SEC14L5: variants seen among roughly 807,000 people sequenced by gnomAD.
SEC14L5 encodes the protein SEC14 like lipid binding 5, also known as SEC14-like protein 5.
Under a neutral mutation model 84.6 loss-of-function variants are expected in SEC14L5, and 96 were observed. The ratio of observed to expected loss-of-function variants is 1.13; its 90% CI spans 0.96 to 1.34. The LOEUF (loss-of-function observed/expected upper bound fraction) is 1.34, where lower values mean the gene tolerates loss of function less well. SEC14L5 is among the 40% of genes most tolerant of loss of function. The pLI is 0.00. For missense variants in SEC14L5, 1,224 were observed against 942.5 expected, an observed-to-expected ratio of 1.30 and a Z score of -3.91; for synonymous variants, 546 against 383.4, an observed-to-expected ratio of 1.42 and a Z score of -4.95.
Position 5,011,154 on chromosome 16 carries a change from C to T in SEC14L5, c.1860C>T (p.Pro620=), listed in dbSNP as rs758985684. The change falls in exon 15 of 16, where the codon CCC becomes CCT. Residue 620 remains proline, a synonymous_variant. Coordinates refer to ENST00000251170, the MANE Select transcript of SEC14L5 (RefSeq NM_014692.2). ...TGCTCCAGTGGCAAATGCACAGCCC[C>T]CCCAGCAGCGTGGCCTGCAGCCTCC... ...VYLLQWQMHS[P]PSSVACSLPG... is the part of the protein sequence containing the mutation. The T allele has an allele frequency of 9.3e-6, 15 of 1,612,766 alleles. No individual in the cohort carries two copies. The highest frequency in any genetic ancestry group is 1.3e-5 in the Non-Finnish European group (15 of 1,179,436).
intron 5 of SEC14L5, 50 bp from the exon 6 acceptor site, chr16:4,991,788 C>T: frequency 7.5e-7 from 1 of 1,337,640 alleles, no homozygotes; most frequent in Non-Finnish European, 1.0e-6. Context: ...CCTGTGACCC[C>T]CCTCCATCCT....
chr16:4,977,534 C>A (rs1955361019), intron 2 of SEC14L5, among the ~76,000 whole-genome samples: 2 of 150,152 alleles, frequency 1.3e-5, no homozygotes, highest in South Asian at 4.2e-4. Flanking sequence ...AATTAAATGC[C>A]TACCAAGGGC....
At chr16:5,011,697 C>G (rs1457830269) in intron 15 of SEC14L5, among the ~76,000 whole-genome samples, 1 of 152,180 alleles carries the variant, frequency 6.6e-6, no homozygotes, top group African/African-American at 2.4e-5. Flanking sequence ...TGGTTAAGAC[C>G]TCCAGCACTT....
chr16:5,009,269 C>T (rs1393986225), intron 14 of SEC14L5, among the ~76,000 whole-genome samples: 1 of 152,130 alleles, frequency 6.6e-6, no homozygotes, highest in Admixed American at 6.5e-5. Flanking sequence ...CCCCTCTCTC[C>T]TGTAAGGACA....
chr16:4,975,982 C>T (rs1030077609), intron 2 of SEC14L5, among the ~76,000 whole-genome samples: 3 of 152,124 alleles, frequency 2.0e-5, no homozygotes, highest in Admixed American at 1.3e-4. Context: ...TTCCAGCTTC[C>T]TTTGAATTTG....
chr16:4,992,172 C>G (rs1955560174), intron 6 of SEC14L5, 142 bp downstream of exon 6: 1 of 541,566 alleles, frequency 1.8e-6, no homozygotes, highest in Non-Finnish European at 3.2e-6. Context: ...GACACCGCCT[C>G]CTGCCTCCAC....
chr16:5,000,728 G>A lies in SEC14L5; in HGVS notation c.1044G>A (p.Glu348=). The change falls in exon 9 of 16, where the codon GAG becomes GAA. Residue 348 remains glutamate (E), a synonymous_variant. Coordinates refer to ENST00000251170, the MANE Select transcript of SEC14L5 (RefSeq NM_014692.2). ...GCTTGATGAAGGCCGTGGGGGAGGAGGCGCTGCTGCGGCATGTGAGTCAGG... is the reference window on the plus strand; with the variant it reads ...GCTTGATGAAGGCCGTGGGGGAGGAAGCGCTGCTGCGGCATGTGAGTCAGG... ...TKGLMKAVGE[E]ALLRHVLSVN... The A allele has an allele frequency of 6.4e-7, 1 of 1,552,616 alleles. No individual in the cohort carries two copies. Among genetic ancestry groups the A allele is most frequent in the East Asian group, 2.4e-5 (1 of 40,990 alleles).
At chr16:4,998,237 C>G (rs1955634283) in intron 8 of SEC14L5, among the ~76,000 whole-genome samples, 1 of 151,418 alleles carries the variant, frequency 6.6e-6, no homozygotes, top group African/African-American at 2.4e-5. Context: ...GAACTCCTGA[C>G]CTCAAGTGAT....
In SEC14L5 at chr16:5,018,838, G is replaced by C. The variant is rs1182379556; in HGVS notation, c.*3868G>C. ...CTCTCTGGAATTCCCCCTCCCTGCT[G>C]TAAAATTTATTGTCCAATGAGAATA... On this transcript the variant is annotated 3_prime_UTR_variant, in exon 16 of 16. Transcript: ENST00000251170. 6.6e-6 allele frequency: 1 copy of C among 152,168 alleles called. No individual in the cohort carries two copies. Among genetic ancestry groups the C allele is most frequent in the African/African-American group, 2.4e-5 (1 of 41,444 alleles). 9.4% of individuals were successfully genotyped at this position (152,168 alleles called of 1,614,324 possible).
chr16:5,000,631 T>G, intron 8 of SEC14L5, 24 bp from the exon 9 acceptor site: 1 of 1,534,102 alleles, frequency 6.5e-7, no homozygotes, highest in Middle Eastern at 1.7e-4. Flanking sequence ...GGGCTCTTCT[T>G]TCTGCTTGGC....
intron 2 of SEC14L5, among the ~76,000 whole-genome samples, chr16:4,964,532 C>T (rs886416521): frequency 6.6e-6 from 1 of 151,898 alleles, no homozygotes; most frequent in African/African-American, 2.4e-5. Context: ...TGCAGGGAGC[C>T]GAGTTCGCTC....
chr16:4,990,862 C>A lies in SEC14L5; in HGVS notation c.441C>A (p.Ile147=). Residue 147 remains isoleucine (I), a synonymous_variant, in exon 5 of 16, where the codon ATC becomes ATA. Transcript: ENST00000251170. ...FFGFENALEK[I]AMKQYTANVK... is the part of the protein sequence containing the mutation. ...GCTTTGAAAATGCCTTGGAGAAGAT[C>A]GCCATGAAGCAGTACACCGCCAACG... 1 of 1,609,070 alleles carries A rather than the reference C, an allele frequency of 6.2e-7. No individual in the cohort carries two copies. The highest frequency in any genetic ancestry group is 1.7e-4 in the Middle Eastern group (1 of 6,054).
At chr16:4,988,497 TATACTC>T (rs1461684387) in intron 4 of SEC14L5, among the ~76,000 whole-genome samples, 3 of 152,242 alleles carry the variant, frequency 2.0e-5, no homozygotes, top group African/African-American at 7.2e-5. Flanking sequence ...GGGATATACT[TATACTC>T]AAATGTTATT....
At chr16:4,993,800 T>C (rs1179658422) in intron 6 of SEC14L5, among the ~76,000 whole-genome samples, 1 of 152,190 alleles carries the variant, frequency 6.6e-6, no homozygotes, top group African/African-American at 2.4e-5. Flanking sequence ...TCCCACTGAA[T>C]GTGTAATTGC....
At chr16:5,014,582 G>T (rs1182431841) in intron 15 of SEC14L5, among the ~76,000 whole-genome samples, 1 of 152,214 alleles carries the variant, frequency 6.6e-6, no homozygotes, top group Non-Finnish European at 1.5e-5. Flanking sequence ...CAGGGCCGGG[G>T]ACTCCCTGGG....
intron 2 of SEC14L5, among the ~76,000 whole-genome samples, chr16:4,965,277 AGTT>A (rs1027522250): frequency 2.6e-5 from 4 of 152,144 alleles, no homozygotes; most frequent in African/African-American, 9.7e-5. Flanking sequence ...TGGATATTTA[AGTT>A]GTTTTCAGTT....
At chr16:5,006,339 C>T (rs1311056933) in intron 12 of SEC14L5, among the ~76,000 whole-genome samples, 1 of 152,202 alleles carries the variant, frequency 6.6e-6, no homozygotes, top group South Asian at 2.1e-4. Context: ...CAAAGGCTTA[C>T]GCATTCTATA....
At chr16:4,969,466 C>T (rs1408058625) in intron 2 of SEC14L5, among the ~76,000 whole-genome samples, 2 of 152,108 alleles carry the variant, frequency 1.3e-5, no homozygotes, top group East Asian at 3.9e-4. Flanking sequence ...GCATGGCAAC[C>T]TCCGCCTCCC....
rs1156637258 is a variant in SEC14L5 at position 4,991,910 on chromosome 16, C to T, written c.547C>T (p.Pro183Ser). Residue 183 changes from proline (P) to serine (S), a missense_variant, in exon 6 of 16, where the codon CCT becomes TCT. Coordinates refer to ENST00000251170, the MANE Select transcript of SEC14L5 (RefSeq NM_014692.2). The stretch of plus-strand genomic sequence containing the variant: ...TACCTCGCACATTCCGCGCTGGACG[C>T]CTGCCCCAGTCCGTGAGGAGGATGC... ...QGTSHIPRWT[P>S]APVREEDARN... 6.2e-7 allele frequency: 1 copy of T among 1,608,232 alleles called. No individual in the cohort carries two copies. The highest frequency in any genetic ancestry group is 1.1e-5 in the South Asian group (1 of 90,296).
Sources: allele counts gnomAD v4.1 joint callset (sites outside exome capture counted in the v4.1 genomes callset), GRCh38; gene constraint gnomAD v4.1.1; transcripts MANE v1.5; gene names NCBI Gene and HGNC (gene_info 2026-07-23, HGNC 2026-07-21).